The following ZFHX3 variants were observed in gnomAD, a reference collection of about 807,000 sequenced individuals.
The protein encoded by ZFHX3 is zinc finger homeobox protein 3.
In ZFHX3, 42 loss-of-function variants were observed where a neutral mutation model predicts 279.1. The ratio of observed to expected loss-of-function variants is 0.15; its 90% CI spans 0.12 to 0.19. ZFHX3 has a LOEUF of 0.19. Ranked by LOEUF, ZFHX3 falls within the 10% of genes least tolerant of loss-of-function variation. ZFHX3 has a pLI of 1.00. For synonymous variants in ZFHX3, 2,293 were observed against 1,957.8 expected (o/e 1.17, Z -4.52); for missense variants, 4,981 against 4,754.0 (o/e 1.05, Z -1.40).
At chr16:73,646,489 A>T (rs2052619382) in intron 2 of ZFHX3, among the ~76,000 whole-genome samples, 1 of 152,196 alleles carries the variant, frequency 6.6e-6, no homozygotes, top group African/African-American at 2.4e-5. Context: ...AACTCCAGAG[A>T]AAGCAGATTG....
intron 2 of ZFHX3, among the ~76,000 whole-genome samples, chr16:73,658,413 C>T (rs570802398): frequency 1.1e-4 from 16 of 152,304 alleles, no homozygotes; most frequent in African/African-American, 3.1e-4. Flanking sequence ...TCAAGCAATT[C>T]TGCCTCAGCC....
intron 2 of ZFHX3, among the ~76,000 whole-genome samples, chr16:73,553,468 C>T (rs772312653): frequency 2.0e-5 from 3 of 152,128 alleles, no homozygotes; most frequent in African/African-American, 4.8e-5. Flanking sequence ...CTCCCTTCTC[C>T]ATCTAAAAGG....
rs576800487 is a variant in ZFHX3 at position 72,895,731 on chromosome 16, G to C, written c.3217-5769C>G. On this transcript the variant is annotated intron_variant, in intron 3 of 9. Transcript: ENST00000268489. ...CTTAACTACTTGGGAGGCTGAGGCA[G>C]GAGGATCACTTGATCCCAGGAGGTG... 5.3e-5 allele frequency among the ~76,000 whole-genome samples: 8 copies of C among 152,338 alleles called. No individual in the cohort carries two copies. The South Asian group carries it at 1.2e-3, about 24-fold the overall frequency.
chr16:73,813,229 T>C (rs375871279), intron 1 of ZFHX3, among the ~76,000 whole-genome samples: 1 of 147,628 alleles, frequency 6.8e-6, no homozygotes, highest in Non-Finnish European at 1.5e-5. Flanking sequence ...CTCTTTCTCT[T>C]TCTCTCTCTC....
intron 4 of ZFHX3, among the ~76,000 whole-genome samples, chr16:72,885,761 G>T (rs556603927): frequency 6.6e-6 from 1 of 152,274 alleles, no homozygotes; most frequent in East Asian, 1.9e-4. Context: ...GAGGAGAAGA[G>T]GAAAGGAGAA....
intron 8 of ZFHX3, chr16:73,081,727 C>G (rs1395940706): frequency 6.6e-6 from 1 of 152,168 alleles, no homozygotes; most frequent in East Asian, 1.9e-4. Flanking sequence ...AGGCAATGGA[C>G]TCTAGTGTGC....
At chr16:72,935,293 C>T (rs544119632) in intron 3 of ZFHX3, among the ~76,000 whole-genome samples, 4 of 152,062 alleles carry the variant, frequency 2.6e-5, no homozygotes, top group South Asian at 2.1e-4. Context: ...GTTCTCAGGG[C>T]GGGGGACAAT....
intron 2 of ZFHX3, among the ~76,000 whole-genome samples, chr16:73,564,325 C>T (rs1017185638): frequency 6.6e-5 from 10 of 152,140 alleles, no homozygotes; most frequent in African/African-American, 1.9e-4. Flanking sequence ...CAGCTTCCGC[C>T]GATTCCATGC....
At chr16:73,767,687 C>G (rs1313410156) in intron 1 of ZFHX3, among the ~76,000 whole-genome samples, 1 of 152,190 alleles carries the variant, frequency 6.6e-6, no homozygotes, top group East Asian at 1.9e-4. Context: ...TGTGTCCATT[C>G]TTTTCTCTCT....
chr16:72,908,436 G>C (rs2039238809), intron 3 of ZFHX3, among the ~76,000 whole-genome samples: 1 of 152,210 alleles, frequency 6.6e-6, no homozygotes, highest in Non-Finnish European at 1.5e-5. Flanking sequence ...TGACGACAAT[G>C]GGTGGAAAGG....
chr16:73,809,233 T>C (rs1254574122), intron 1 of ZFHX3: 1 of 152,200 alleles, frequency 6.6e-6, no homozygotes, highest in Non-Finnish European at 1.5e-5. Context: ...CTGAAACCTC[T>C]TTTCAGTGAC....
At chr16:73,645,843 ATTTC>A (rs2052613632) in intron 2 of ZFHX3, among the ~76,000 whole-genome samples, 1 of 152,198 alleles carries the variant, frequency 6.6e-6, no homozygotes, top group Admixed American at 6.5e-5. Flanking sequence ...CCATGATTTC[ATTTC>A]TTTCTTTCTT....
intron 3 of ZFHX3, among the ~76,000 whole-genome samples, chr16:72,905,401 T>C (rs1484139426): frequency 6.6e-6 from 1 of 152,052 alleles, no homozygotes; most frequent in East Asian, 1.9e-4. Context: ...GACAACTGAG[T>C]TGGTCCTCCT....
chr16:73,206,175 G>A (rs1250890542), intron 5 of ZFHX3, among the ~76,000 whole-genome samples: 1 of 152,178 alleles, frequency 6.6e-6, no homozygotes, highest in Non-Finnish European at 1.5e-5. Flanking sequence ...TGCTCTGGTT[G>A]AATCAAAGAT....
At chr16:72,813,219 T>A (rs2036513556) in intron 5 of ZFHX3, among the ~76,000 whole-genome samples, 1 of 152,290 alleles carries the variant, frequency 6.6e-6, no homozygotes, top group Admixed American at 6.5e-5. Context: ...AAAATATATA[T>A]ACCCACTTCC....
chr16:72,951,015 G>A (rs200544375), intron 2 of ZFHX3, 50 bp from the exon 3 acceptor site: 90 of 1,576,622 alleles, frequency 5.7e-5, no homozygotes, highest in South Asian at 2.3e-5. Flanking sequence ...TCATGGTCAC[G>A]GCCACAGCTG....
intron 1 of ZFHX3, among the ~76,000 whole-genome samples, chr16:73,723,779 G>T (rs1320152625): frequency 1.3e-5 from 2 of 152,306 alleles, no homozygotes; most frequent in East Asian, 3.9e-4. Context: ...TAAACTGGCT[G>T]AATTAAACGA....
At chr16:73,655,172 A>T (rs1158408835) in intron 2 of ZFHX3, among the ~76,000 whole-genome samples, 1 of 152,142 alleles carries the variant, frequency 6.6e-6, no homozygotes, top group African/African-American at 2.4e-5. Flanking sequence ...TAATCATCAC[A>T]TTTAAAGATG....
intron 2 of ZFHX3, among the ~76,000 whole-genome samples, chr16:72,956,326 A>C (rs1961247972): frequency 3.3e-5 from 5 of 152,192 alleles, no homozygotes; most frequent in Admixed American, 3.3e-4. Context: ...CATATTGCTT[A>C]ATTCAGGCCA....
Sources: gnomAD v4.1 joint callset for allele counts (sites outside exome capture counted in the v4.1 genomes callset) on GRCh38, gnomAD v4.1.1 for gene constraint, MANE v1.5 for transcripts, NCBI Gene and HGNC (gene_info 2026-07-23, HGNC 2026-07-21) for gene names.